LRRC3B: variants seen among roughly 807,000 people sequenced by gnomAD.
LRRC3B encodes the protein leucine rich repeat containing 3B, also known as leucine-rich repeat-containing protein 3B.
In LRRC3B, 2 loss-of-function variants were observed where a neutral mutation model predicts 12.8. That is an observed-to-expected ratio of 0.16 (90% CI 0.06 to 0.49). LRRC3B has a LOEUF of 0.49. Ranked by LOEUF, LRRC3B falls within the 20% of genes least tolerant of loss-of-function variation. The pLI is 0.96. For synonymous variants in LRRC3B, 132 were observed against 122.0 expected (o/e 1.08, Z -0.54); for missense variants, 189 against 319.4 (o/e 0.59, Z 3.11).
intron 1 of LRRC3B, among the ~76,000 whole-genome samples, chr3:26,666,910 T>C (rs1045562943): frequency 6.6e-6 from 1 of 152,168 alleles, no homozygotes; most frequent in South Asian, 2.1e-4. Context: ...TTGGTTCTAA[T>C]AGAAATGTGT....
intron 1 of LRRC3B, among the ~76,000 whole-genome samples, chr3:26,708,855 A>G (rs1305753200): frequency 6.6e-6 from 1 of 152,208 alleles, no homozygotes; most frequent in Non-Finnish European, 1.5e-5. Context: ...CTTAGAAAAG[A>G]GAGAGAAGAT....
chr3:26,667,500 C>T (rs1346690474), intron 1 of LRRC3B, among the ~76,000 whole-genome samples: 4 of 152,132 alleles, frequency 2.6e-5, no homozygotes, highest in African/African-American at 7.2e-5. Flanking sequence ...TGAAACTATT[C>T]AGGGACTTAG....
intron 1 of LRRC3B, among the ~76,000 whole-genome samples, chr3:26,636,972 TTC>T (rs1164676086): frequency 1.3e-4 from 10 of 76,094 alleles, no homozygotes; most frequent in Non-Finnish European, 2.0e-4. Context: ...CTTTCTTTCT[TTC>T]TCTCTCTCTC....
At chr3:26,637,553 G>T (rs757290794) in intron 1 of LRRC3B, among the ~76,000 whole-genome samples, 17 of 152,192 alleles carry the variant, frequency 1.1e-4, no homozygotes, top group Non-Finnish European at 2.1e-4. Flanking sequence ...ATTGTGTCCA[G>T]GGCTAGGAAA....
chr3:26,710,601 C>G (rs1700728970), exon 2 of LRRC3B: 1 of 763,856 alleles, frequency 1.3e-6, no homozygotes, highest in South Asian at 2.3e-5. Context: ...TTTTAACAAA[C>G]ACTACAACAT....
intron 1 of LRRC3B, among the ~76,000 whole-genome samples, chr3:26,685,645 C>A (rs934532513): frequency 8.0e-5 from 2 of 24,892 alleles, no homozygotes; most frequent in African/African-American, 2.9e-4. Context: ...CTATATACCT[C>A]ATTTTTAAAA....
At chr3:26,642,754 C>T (rs1035021257) in intron 1 of LRRC3B, among the ~76,000 whole-genome samples, 10 of 152,078 alleles carry the variant, frequency 6.6e-5, no homozygotes, top group East Asian at 1.9e-4. Flanking sequence ...CGTGGTGCCT[C>T]GTGCCTGTAA....
Position 26,692,487 on chromosome 3 carries a change from C to T in LRRC3B, c.-160-17026C>T, listed in dbSNP as rs532757873. On this transcript the variant is annotated intron_variant, in intron 1 of 1. Coordinates refer to ENST00000396641, the Ensembl canonical transcript of LRRC3B. The stretch of plus-strand genomic sequence containing the variant: ...AGCTGCTTGAAAGTTACCATAACAA[C>T]TTAGAACATTATTGACTGTCATGGT... Among the ~76,000 whole-genome samples, 4 of 152,278 alleles carry T rather than the reference C, an allele frequency of 2.6e-5. No individual in the cohort carries two copies. In the South Asian group the frequency reaches 8.3e-4, roughly 32 times the overall value.
intron 1 of LRRC3B, among the ~76,000 whole-genome samples, chr3:26,698,807 G>A (rs917028642): frequency 1.3e-5 from 2 of 151,978 alleles, no homozygotes; most frequent in Admixed American, 6.6e-5. Flanking sequence ...TTCCTCTTAA[G>A]AACAACTACC....
chr3:26,663,866 C>A (rs1009376281), intron 1 of LRRC3B, among the ~76,000 whole-genome samples: 1 of 152,094 alleles, frequency 6.6e-6, no homozygotes, highest in Admixed American at 6.6e-5. Flanking sequence ...CAGTTCAGAA[C>A]CTTGCCATGT....
chr3:26,685,517 C>CTATATA (rs1218331867), intron 1 of LRRC3B, among the ~76,000 whole-genome samples: 1 of 53,526 alleles, frequency 1.9e-5, no homozygotes, highest in African/African-American at 8.0e-5. Context: ...CTCTCTCTCT[C>CTATATA]TCTCTCTATA....
At position 26,644,484 on chromosome 3, in the gene LRRC3B, A is replaced by G. The variant is rs530335132; in HGVS notation, c.-161+21247A>G. On this transcript the variant is annotated intron_variant, in intron 1 of 1. Transcript: ENST00000396641. Reference sequence around the variant, plus strand: ...ATACAATTAGGGGGAACAATCAGACACATTTAAATGAGGAAAAATTATGCA... The same window carrying G: ...ATACAATTAGGGGGAACAATCAGACGCATTTAAATGAGGAAAAATTATGCA... 3.3e-5 allele frequency among the ~76,000 whole-genome samples: 5 copies of G among 152,308 alleles called. No individual in the cohort carries two copies. In the South Asian group the frequency reaches 1.0e-3, roughly 32 times the overall value.
intron 1 of LRRC3B, among the ~76,000 whole-genome samples, chr3:26,707,415 G>A (rs183237483): frequency 4.6e-5 from 7 of 152,106 alleles, no homozygotes; most frequent in Non-Finnish European, 7.4e-5. Context: ...TACAAACTCA[G>A]TGTACTTTTT....
intron 1 of LRRC3B, among the ~76,000 whole-genome samples, chr3:26,682,854 GCTCT>G (rs756300586): frequency 1.6e-4 from 25 of 152,164 alleles, no homozygotes; most frequent in Non-Finnish European, 8.8e-5. Flanking sequence ...ACATCAATTA[GCTCT>G]CTATTTCCTG....
At chr3:26,656,976 C>A (rs1281885863) in intron 1 of LRRC3B, among the ~76,000 whole-genome samples, 1 of 152,154 alleles carries the variant, frequency 6.6e-6, no homozygotes, top group African/African-American at 2.4e-5. Flanking sequence ...CACAACTTGG[C>A]TCTCTGAGAT....
intron 1 of LRRC3B, among the ~76,000 whole-genome samples, chr3:26,629,706 G>A (rs1698712175): frequency 6.6e-6 from 1 of 152,208 alleles, no homozygotes; most frequent in Non-Finnish European, 1.5e-5. Context: ...CTGCTGCTAT[G>A]TGTTGTGTGG....
intron 1 of LRRC3B, among the ~76,000 whole-genome samples, chr3:26,689,023 A>G (rs954711288): frequency 2.6e-5 from 4 of 152,176 alleles, no homozygotes; most frequent in African/African-American, 9.6e-5. Flanking sequence ...CCATAATAGG[A>G]TGAGTGCCAC....
rs139459743 is a variant in LRRC3B, at chr3:26,635,825, A to G, written c.-161+12588A>G. On this transcript the variant is annotated intron_variant, in intron 1 of 1. Coordinates refer to ENST00000396641, the Ensembl canonical transcript of LRRC3B. ...TTGGCACTCAGTAACTGTCTGTTTAATGAATCAATGAACACTAATGATTTA... is the reference window on the plus strand; with the variant it reads ...TTGGCACTCAGTAACTGTCTGTTTAGTGAATCAATGAACACTAATGATTTA... Among the ~76,000 whole-genome samples the G allele has an allele frequency of 3.9e-5, 6 of 152,394 alleles. No individual in the cohort carries two copies. In the East Asian group the frequency reaches 1.2e-3, roughly 29 times the overall value.
At chr3:26,704,006 A>G (rs1700522008) in intron 1 of LRRC3B, among the ~76,000 whole-genome samples, 1 of 152,134 alleles carries the variant, frequency 6.6e-6, no homozygotes, top group South Asian at 2.1e-4. Context: ...AAACTGTACA[A>G]AAGAATATAA....
Sources: allele counts gnomAD v4.1 joint callset (sites outside exome capture counted in the v4.1 genomes callset), GRCh38; gene constraint gnomAD v4.1.1; transcripts MANE v1.5; gene names NCBI Gene and HGNC (gene_info 2026-07-23, HGNC 2026-07-21).